IQCM: variants seen among roughly 807,000 people sequenced by gnomAD.
IQCM encodes the protein IQ domain-containing protein M.
A neutral mutation model predicts 57.6 loss-of-function variants in IQCM; 45 were observed. That is an observed-to-expected ratio of 0.78 (90% CI 0.62 to 1.00). The LOEUF is 1.00. Ranked by LOEUF, IQCM falls within the 50% of genes least tolerant of loss-of-function variation. The pLI is 0.00. For synonymous variants in IQCM, 148 were observed against 158.9 expected (o/e 0.93, Z 0.51); for missense variants, 468 against 511.6 (o/e 0.91, Z 0.82).
In IQCM at chr4:149,621,264, A is replaced by G; in HGVS notation, c.566-20T>C. 1 of 1,117,644 alleles carries G rather than the reference A, an allele frequency of 8.9e-7. No homozygotes were observed. Among genetic ancestry groups the G allele is most frequent in the Non-Finnish European group, 1.1e-6 (1 of 883,452 alleles). The allele number at this position is 1,117,644 out of a possible 1,614,324, so 69.2% of individuals were successfully genotyped here. A position where few individuals can be genotyped will look rare whatever the true frequency, so the allele number is the denominator to read the frequency against. On this transcript the variant is annotated intron_variant, in intron 7 of 13. Coordinates refer to ENST00000636793, the MANE Select transcript of IQCM (RefSeq NM_001363507.2). Reference sequence around the variant, plus strand: ...CTTTGTCTGTTAGAAATATCAATGCAGGTTAAAACAATATCTATCCAGGAA... The same window carrying G: ...CTTTGTCTGTTAGAAATATCAATGCGGGTTAAAACAATATCTATCCAGGAA...
At chr4:149,757,653 G>A (rs775835439) in intron 2 of IQCM, among the ~76,000 whole-genome samples, 53 of 152,054 alleles carry the variant, frequency 3.5e-4, no homozygotes, top group Admixed American at 3.3e-4. Context: ...GAATTCATAC[G>A]TACCTAACAA....
chr4:149,365,452 A>G (rs1222832328), intron 13 of IQCM, among the ~76,000 whole-genome samples: 2 of 152,208 alleles, frequency 1.3e-5, no homozygotes, highest in African/African-American at 4.8e-5. Context: ...TAAGCTTTAT[A>G]GATACCTCCA....
chr4:149,762,428 CA>C (rs1389844014), intron 2 of IQCM, among the ~76,000 whole-genome samples: 2 of 151,840 alleles, frequency 1.3e-5, no homozygotes, highest in African/African-American at 4.8e-5. Flanking sequence ...AAAAATGTGA[CA>C]GGGGAAATTC....
chr4:149,575,119 C>A (rs552590633), intron 9 of IQCM, among the ~76,000 whole-genome samples: 24 of 152,048 alleles, frequency 1.6e-4, no homozygotes, highest in African/African-American at 5.1e-4. Flanking sequence ...CGAGGGCTTT[C>A]GTTTTCTGTA....
At chr4:149,631,417 A>T (rs996348295) in intron 7 of IQCM, among the ~76,000 whole-genome samples, 1 of 152,226 alleles carries the variant, frequency 6.6e-6, no homozygotes, top group African/African-American at 2.4e-5. Flanking sequence ...CATAAAAATA[A>T]AATTGGAAAA....
chr4:149,805,473 A>G (rs1773990577), intron 2 of IQCM, among the ~76,000 whole-genome samples: 1 of 152,090 alleles, frequency 6.6e-6, no homozygotes, highest in Non-Finnish European at 1.5e-5. Flanking sequence ...AGGAACAAAC[A>G]TCCTGAAGAA....
At chr4:149,456,874 A>G (rs928695926) in intron 12 of IQCM, among the ~76,000 whole-genome samples, 1 of 152,100 alleles carries the variant, frequency 6.6e-6, no homozygotes, top group Non-Finnish European at 1.5e-5. Context: ...CAGTGTAAAG[A>G]AAAAGTAAAG....
At chr4:149,415,305 A>G (rs1001183419) in intron 13 of IQCM, among the ~76,000 whole-genome samples, 1 of 152,212 alleles carries the variant, frequency 6.6e-6, no homozygotes, top group African/African-American at 2.4e-5. Flanking sequence ...CACTATATGA[A>G]AGAGAACCTG....
chr4:149,729,076 A>G (rs550041518), intron 5 of IQCM, among the ~76,000 whole-genome samples: 1 of 152,346 alleles, frequency 6.6e-6, no homozygotes, highest in African/African-American at 2.4e-5. Context: ...AATAGTCACC[A>G]GTCCAAAGAT....
intron 7 of IQCM, among the ~76,000 whole-genome samples, chr4:149,639,281 C>T (rs1285100845): frequency 1.3e-5 from 2 of 151,874 alleles, no homozygotes; most frequent in Admixed American, 6.6e-5. Flanking sequence ...TAAAAATTAG[C>T]TGCACATGGT....
chr4:149,608,001 G>A (rs1754947995), intron 8 of IQCM, among the ~76,000 whole-genome samples: 1 of 151,648 alleles, frequency 6.6e-6, no homozygotes, highest in Non-Finnish European at 1.5e-5. Context: ...TAAAAAACAA[G>A]AGCCAACCAT....
intron 2 of IQCM, among the ~76,000 whole-genome samples, chr4:149,775,426 C>T (rs1402937248): frequency 6.6e-6 from 1 of 151,944 alleles, no homozygotes; most frequent in African/African-American, 2.4e-5. Flanking sequence ...GATTAAGAGA[C>T]AAAAAATAAA....
At chr4:149,705,328 C>T (rs1198727806) in intron 5 of IQCM, among the ~76,000 whole-genome samples, 1 of 150,372 alleles carries the variant, frequency 6.7e-6, no homozygotes, top group East Asian at 2.0e-4. Flanking sequence ...TACCAGGATA[C>T]AACTATTAGA....
intron 6 of IQCM, among the ~76,000 whole-genome samples, chr4:149,683,729 A>T (rs1021020345): frequency 1.3e-5 from 2 of 151,328 alleles, no homozygotes; most frequent in African/African-American, 4.8e-5. Flanking sequence ...GTTAGAACTA[A>T]TTATGTATTT....
intron 7 of IQCM, among the ~76,000 whole-genome samples, chr4:149,637,720 C>T (rs1232923027): frequency 2.0e-5 from 3 of 152,040 alleles, no homozygotes; most frequent in African/African-American, 7.2e-5. Flanking sequence ...CCTAAATCGA[C>T]CTGCATATAT....
At chr4:149,430,674 G>A (rs1734776576) in intron 13 of IQCM, among the ~76,000 whole-genome samples, 1 of 151,888 alleles carries the variant, frequency 6.6e-6, no homozygotes, top group African/African-American at 2.4e-5. Flanking sequence ...ATGTATCAAA[G>A]GTATCCAGGT....
chr4:149,472,641 C>A (rs1739702641), intron 12 of IQCM, among the ~76,000 whole-genome samples: 3 of 151,894 alleles, frequency 2.0e-5, no homozygotes, highest in African/African-American at 7.3e-5. Context: ...CATATGGAAC[C>A]AAAAAAGAGC....
intron 12 of IQCM, among the ~76,000 whole-genome samples, chr4:149,475,040 T>G (rs1740033452): frequency 6.6e-6 from 1 of 152,118 alleles, no homozygotes; most frequent in South Asian, 2.1e-4. Flanking sequence ...GAGGAAGGGT[T>G]TTTAGGAAAG....
chr4:149,451,254 A>G (rs1161096983), intron 12 of IQCM, among the ~76,000 whole-genome samples: 4 of 151,778 alleles, frequency 2.6e-5, no homozygotes, highest in Non-Finnish European at 4.4e-5. Flanking sequence ...AAGAATAAAT[A>G]AGTCCTAGTA....
Sources: allele counts gnomAD v4.1 joint callset (sites outside exome capture counted in the v4.1 genomes callset), GRCh38; gene constraint gnomAD v4.1.1; transcripts MANE v1.5; gene names NCBI Gene and HGNC (gene_info 2026-07-23, HGNC 2026-07-21).